DLGAP2: variants seen among roughly 807,000 people sequenced by gnomAD.
DLGAP2 encodes the protein DLG associated protein 2.
DLGAP2 carries 26 observed loss-of-function variants against 100.3 expected under a neutral mutation model. The observed-to-expected ratio is 0.26, with a 90% CI of 0.19 to 0.36. The LOEUF is 0.36. DLGAP2 is among the 10% of genes least tolerant of loss of function. The pLI is 1.00. For missense variants in DLGAP2, 1,858 were observed against 1,453.2 expected (o/e 1.28, Z -4.53); for synonymous variants, 886 against 630.1 (o/e 1.41, Z -6.08).
intron 8 of DLGAP2, among the ~76,000 whole-genome samples, chr8:1,666,854 AG>A (rs1362560807): frequency 9.2e-5 from 14 of 152,076 alleles, no homozygotes; most frequent in Non-Finnish European, 2.1e-4. Context: ...TGATTGGAGG[AG>A]GTGAGGGATG....
chr8:1,322,724 T>C (rs1022989463), intron 3 of DLGAP2, among the ~76,000 whole-genome samples: 1 of 152,268 alleles, frequency 6.6e-6, no homozygotes, highest in African/African-American at 2.4e-5. Context: ...CAGCCTAAGA[T>C]GATTCCCTGC....
At chr8:1,211,275 G>A (rs568341798) in intron 2 of DLGAP2, among the ~76,000 whole-genome samples, 41 of 152,340 alleles carry the variant, frequency 2.7e-4, no homozygotes, top group African/African-American at 8.7e-4. Context: ...CAGGGTGGCC[G>A]TGGGGACGTT....
chr8:1,625,697 A>G (rs567978271), intron 6 of DLGAP2, among the ~76,000 whole-genome samples: 1 of 152,316 alleles, frequency 6.6e-6, no homozygotes, highest in African/African-American at 2.4e-5. Context: ...TGAGTTTGCT[A>G]TTATGCTGTG....
chr8:1,577,567 CAAAAAA>C (rs10646663), intron 6 of DLGAP2, among the ~76,000 whole-genome samples: 18 of 105,816 alleles, frequency 1.7e-4, no homozygotes, highest in East Asian at 5.1e-4. Flanking sequence ...CACTCTCTCT[CAAAAAA>C]AAAAAAAAAA....
At chr8:1,604,225 C>T (rs1053872990) in intron 6 of DLGAP2, among the ~76,000 whole-genome samples, 18 of 152,196 alleles carry the variant, frequency 1.2e-4, no homozygotes, top group African/African-American at 3.9e-4. Flanking sequence ...AGGGACCTTG[C>T]TATAAATGCA....
chr8:1,313,736 T>G (rs2117019751), intron 3 of DLGAP2, among the ~76,000 whole-genome samples: 1 of 152,042 alleles, frequency 6.6e-6, no homozygotes, highest in Middle Eastern at 3.4e-3. Context: ...CTGGAAAAGG[T>G]CAGATTTTTG....
chr8:1,504,662 C>A (rs1212091968), intron 4 of DLGAP2, among the ~76,000 whole-genome samples: 1 of 152,212 alleles, frequency 6.6e-6, no homozygotes, highest in Non-Finnish European at 1.5e-5. Context: ...CTGTGCCTGG[C>A]TTGTTCCACT....
intron 2 of DLGAP2, among the ~76,000 whole-genome samples, chr8:1,195,969 G>T (rs538750423): frequency 1.3e-5 from 2 of 152,196 alleles, no homozygotes; most frequent in African/African-American, 4.8e-5. Context: ...TGTTTGGATT[G>T]TCACACTGGG....
At chr8:1,700,803 G>A in intron 14 of DLGAP2, among the ~76,000 whole-genome samples, 1 of 152,236 alleles carries the variant, frequency 6.6e-6, no homozygotes, top group East Asian at 1.9e-4. Flanking sequence ...TCCAGCGATG[G>A]TGTCCAAAAC....
At chr8:1,157,765 C>T (rs534844575) in intron 2 of DLGAP2, among the ~76,000 whole-genome samples, 2 of 152,356 alleles carry the variant, frequency 1.3e-5, no homozygotes, top group Non-Finnish European at 2.9e-5. Flanking sequence ...GGAGCTTCGT[C>T]ATTTGAAAAG....
chr8:742,913 C>A (rs7835837), intron 1 of DLGAP2, among the ~76,000 whole-genome samples: 1 of 151,942 alleles, frequency 6.6e-6, no homozygotes, highest in Non-Finnish European at 1.5e-5. Flanking sequence ...TAAATGAATT[C>A]ATGACTGTAA....
At chr8:1,570,086 C>T (rs1000298600) in intron 6 of DLGAP2, among the ~76,000 whole-genome samples, 3 of 152,216 alleles carry the variant, frequency 2.0e-5, no homozygotes, top group Admixed American at 6.5e-5. Flanking sequence ...AACAAGGGCA[C>T]GCTGAGCTGT....
At chr8:1,505,301 T>C (rs184025641) in intron 4 of DLGAP2, among the ~76,000 whole-genome samples, 4 of 152,356 alleles carry the variant, frequency 2.6e-5, no homozygotes, top group African/African-American at 9.6e-5. Context: ...CAAAATGCTG[T>C]GGGACATTTT....
intron 4 of DLGAP2, among the ~76,000 whole-genome samples, chr8:1,503,394 C>G (rs1799791824): frequency 6.6e-6 from 1 of 152,152 alleles, no homozygotes; most frequent in Non-Finnish European, 1.5e-5. Context: ...TGTTTTGTGA[C>G]TGCTCATTTC....
chr8:1,469,593 G>A (rs146800226), intron 3 of DLGAP2, among the ~76,000 whole-genome samples: 13 of 152,152 alleles, frequency 8.5e-5, no homozygotes, highest in African/African-American at 1.9e-4. Flanking sequence ...CCACGTATTC[G>A]TATTTTCACT....
At chr8:1,321,709 G>T (rs1800905866) in intron 3 of DLGAP2, among the ~76,000 whole-genome samples, 1 of 152,130 alleles carries the variant, frequency 6.6e-6, no homozygotes, top group African/African-American at 2.4e-5. Context: ...ATTTTCTCTA[G>T]AACTCGGCTT....
rs180688244 is a variant in DLGAP2, at chr8:1,081,968, G to T, written c.73+174002G>T. Among the ~76,000 whole-genome samples the T allele has an allele frequency of 2.3e-3, 352 of 152,256 alleles. 7 individuals are homozygous for T. The highest frequency in any genetic ancestry group is 0.02 in the Admixed American group (303 of 15,286). On this transcript the variant is annotated intron_variant, in intron 2 of 14. Coordinates refer to ENST00000637795, the MANE Select transcript of DLGAP2 (RefSeq NM_001346810.2). ...GCCCCCTAAGTTCTAGATTAAATCAGAAGGGGAGATCTCCAAGAAAAGAAG... is the reference window on the plus strand; with the variant it reads ...GCCCCCTAAGTTCTAGATTAAATCATAAGGGGAGATCTCCAAGAAAAGAAG...
intron 3 of DLGAP2, among the ~76,000 whole-genome samples, chr8:1,290,615 C>G (rs1367608353): frequency 2.0e-5 from 3 of 152,194 alleles, no homozygotes; most frequent in Non-Finnish European, 4.4e-5. Flanking sequence ...CCAGAAAGAC[C>G]AGAAAGGCAG....
chr8:840,940 C>T (rs933981778), intron 1 of DLGAP2, among the ~76,000 whole-genome samples: 3 of 152,244 alleles, frequency 2.0e-5, no homozygotes, highest in Non-Finnish European at 2.9e-5. Flanking sequence ...TGGCTGTGCC[C>T]TTTCATCCAG....
Sources: gnomAD v4.1 joint callset for allele counts (sites outside exome capture counted in the v4.1 genomes callset) on GRCh38, gnomAD v4.1.1 for gene constraint, MANE v1.5 for transcripts, NCBI Gene and HGNC (gene_info 2026-07-23, HGNC 2026-07-21) for gene names.